GRIK1: variants seen among roughly 807,000 people sequenced by gnomAD.
The protein encoded by GRIK1 is glutamate receptor ionotropic, kainate 1.
Under a neutral mutation model 105.7 loss-of-function variants are expected in GRIK1, and 69 were observed. The ratio of observed to expected loss-of-function variants is 0.65; its 90% CI spans 0.54 to 0.80. The LOEUF (loss-of-function observed/expected upper bound fraction) is 0.80, where lower values mean the gene tolerates loss of function less well. Ranked by LOEUF, GRIK1 falls within the 30% of genes least tolerant of loss-of-function variation. The pLI, the probability that GRIK1 is intolerant of heterozygous loss-of-function variation, is 0.00. For missense variants in GRIK1, 1,109 were observed against 1,167.3 expected, an observed-to-expected ratio of 0.95 and a Z score of 0.73; for synonymous variants, 438 against 431.3, an observed-to-expected ratio of 1.02 and a Z score of -0.19.
chr21:29,754,409 T>TA (rs1459631227), intron 1 of GRIK1, among the ~76,000 whole-genome samples: 1 of 152,228 alleles, frequency 6.6e-6, no homozygotes, highest in Non-Finnish European at 1.5e-5. Context: ...AAAATGCATG[T>TA]AAAACAGGTT....
intron 1 of GRIK1, among the ~76,000 whole-genome samples, chr21:29,913,873 T>C (rs565990881): frequency 1.3e-5 from 2 of 152,040 alleles, no homozygotes; most frequent in South Asian, 4.1e-4. Context: ...GGGTGATAGC[T>C]GTCATTCAAA....
chr21:29,928,900 T>C (rs1246117168), intron 1 of GRIK1, among the ~76,000 whole-genome samples: 2 of 152,110 alleles, frequency 1.3e-5, no homozygotes, highest in African/African-American at 4.8e-5. Flanking sequence ...TTCAAAATAA[T>C]TTACATTTGA....
chr21:29,733,812 T>A (rs2064700647), intron 1 of GRIK1, among the ~76,000 whole-genome samples: 1 of 152,138 alleles, frequency 6.6e-6, no homozygotes, highest in Admixed American at 6.5e-5. Flanking sequence ...ACTAACATAA[T>A]GTCACTCAGT....
intron 1 of GRIK1, among the ~76,000 whole-genome samples, chr21:29,738,763 C>T (rs968878629): frequency 1.3e-5 from 2 of 152,186 alleles, no homozygotes; most frequent in Middle Eastern, 6.8e-3. Flanking sequence ...GTAAAAGGAA[C>T]TTGATTATCT....
At chr21:29,800,225 T>C (rs1187892398) in intron 1 of GRIK1, among the ~76,000 whole-genome samples, 4 of 152,172 alleles carry the variant, frequency 2.6e-5, no homozygotes, top group Admixed American at 6.5e-5. Context: ...CTTTAGCTGC[T>C]CCCTCTAGGC....
intron 1 of GRIK1, among the ~76,000 whole-genome samples, chr21:29,784,816 A>G (rs1007284070): frequency 6.6e-6 from 1 of 152,210 alleles, no homozygotes; most frequent in African/African-American, 2.4e-5. Flanking sequence ...TTAGTAAATT[A>G]AGGTGTAATA....
intron 4 of GRIK1, among the ~76,000 whole-genome samples, chr21:29,672,407 C>G (rs2063176428): frequency 1.3e-5 from 2 of 151,980 alleles, no homozygotes; most frequent in Non-Finnish European, 2.9e-5. Flanking sequence ...TTACTCATGT[C>G]TTCATTTATA....
chr21:29,843,259 C>T (rs1338444588), intron 1 of GRIK1, among the ~76,000 whole-genome samples: 1 of 152,126 alleles, frequency 6.6e-6, no homozygotes, highest in Non-Finnish European at 1.5e-5. Flanking sequence ...GTGACACATA[C>T]CTAGAATTTG....
At chr21:29,819,996 A>T (rs2067254597) in intron 1 of GRIK1, among the ~76,000 whole-genome samples, 1 of 151,914 alleles carries the variant, frequency 6.6e-6, no homozygotes, top group African/African-American at 2.4e-5. Context: ...TTAAATATAT[A>T]AAGACTTTGA....
chr21:29,761,604 C>T (rs991865713), intron 1 of GRIK1, among the ~76,000 whole-genome samples: 2 of 152,092 alleles, frequency 1.3e-5, no homozygotes, highest in African/African-American at 4.8e-5. Context: ...CAAGGATTCA[C>T]TGTGTGTGAA....
chr21:29,733,245 T>A (rs2064686676), intron 1 of GRIK1, among the ~76,000 whole-genome samples: 1 of 152,168 alleles, frequency 6.6e-6, no homozygotes, highest in Non-Finnish European at 1.5e-5. Context: ...GGTTAAATAT[T>A]TAAGAACCAG....
At chr21:29,643,153 G>T (rs1264830569) in intron 6 of GRIK1, among the ~76,000 whole-genome samples, 184 bp from the exon 7 acceptor site, 2 of 151,774 alleles carry the variant, frequency 1.3e-5, no homozygotes, top group African/African-American at 4.8e-5. Context: ...TCACACTTTG[G>T]AGTAAATTGA....
intron 16 of GRIK1, among the ~76,000 whole-genome samples, chr21:29,552,615 T>A (rs2090153696): frequency 1.3e-5 from 2 of 152,040 alleles, no homozygotes; most frequent in South Asian, 4.1e-4. Context: ...GAACAACCCC[T>A]CTATCTAGGG....
At chr21:29,920,238 A>G (rs2071146343) in intron 1 of GRIK1, among the ~76,000 whole-genome samples, 1 of 151,888 alleles carries the variant, frequency 6.6e-6, no homozygotes, top group Non-Finnish European at 1.5e-5. Flanking sequence ...CTAGTTCTAC[A>G]TTGTAAATTT....
chr21:29,872,181 C>T (rs112031560), intron 1 of GRIK1, among the ~76,000 whole-genome samples: 13,662 of 148,658 alleles, frequency 0.092, 796 homozygotes, highest in African/African-American at 0.16. Context: ...AAAATATGCA[C>T]GCTCTCACTT....
At chr21:29,847,517 C>T (rs1361492765) in intron 1 of GRIK1, among the ~76,000 whole-genome samples, 1 of 152,178 alleles carries the variant, frequency 6.6e-6, no homozygotes, top group African/African-American at 2.4e-5. Flanking sequence ...TCCCTTGAAC[C>T]TGGGAGGTGG....
intron 3 of GRIK1, among the ~76,000 whole-genome samples, chr21:29,683,885 A>G (rs1389059998): frequency 6.6e-6 from 1 of 152,224 alleles, no homozygotes; most frequent in Non-Finnish European, 1.5e-5. Flanking sequence ...TTATTTTGTC[A>G]GGGCCTTTGC....
chr21:29,825,191 G>A (rs932934066), intron 1 of GRIK1, among the ~76,000 whole-genome samples: 5 of 151,984 alleles, frequency 3.3e-5, no homozygotes, highest in Non-Finnish European at 2.9e-5. Flanking sequence ...TTGTTTAAAA[G>A]TTACAATTTC....
chr21:29,932,249 G>A (rs1443212308), intron 1 of GRIK1, among the ~76,000 whole-genome samples: 2 of 152,096 alleles, frequency 1.3e-5, no homozygotes, highest in African/African-American at 4.8e-5. Context: ...AAAGCTAAAA[G>A]AAAATCTTTT....
Sources: gnomAD v4.1 joint callset for allele counts (sites outside exome capture counted in the v4.1 genomes callset) on GRCh38, gnomAD v4.1.1 for gene constraint, MANE v1.5 for transcripts, NCBI Gene and HGNC (gene_info 2026-07-23, HGNC 2026-07-21) for gene names.